APBB2: variants seen among roughly 807,000 people sequenced by gnomAD.
APBB2 encodes the protein Fe65-like 1.
Under a neutral mutation model 82.5 loss-of-function variants are expected in APBB2, and 38 were observed. The observed-to-expected ratio is 0.46, with a 90% CI of 0.36 to 0.60. The LOEUF is 0.60. APBB2 is among the 20% of genes least tolerant of loss of function. The probability of loss-of-function intolerance (pLI) is 0.00; values close to 1 mark genes in which losing one functional copy is unlikely to be tolerated. For synonymous variants in APBB2, 341 were observed against 368.2 expected, an observed-to-expected ratio of 0.93 and a Z score of 0.85; for missense variants, 772 against 972.3, an observed-to-expected ratio of 0.79 and a Z score of 2.74.
intron 1 of APBB2, among the ~76,000 whole-genome samples, chr4:41,162,139 T>C (rs542082197): frequency 6.6e-6 from 1 of 151,132 alleles, no homozygotes; most frequent in South Asian, 2.1e-4. Flanking sequence ...AACACACCTA[T>C]AAAAATTAAC....
chr4:40,903,802 T>C (rs1261083367), intron 10 of APBB2, among the ~76,000 whole-genome samples: 2 of 152,198 alleles, frequency 1.3e-5, no homozygotes, highest in Non-Finnish European at 2.9e-5. Context: ...TCCCGGCTGC[T>C]GCCTATGCTG....
chr4:41,100,593 G>A (rs1745027802), intron 3 of APBB2, 46 bp downstream of exon 3: 1 of 152,132 alleles, frequency 6.6e-6, no homozygotes, highest in Admixed American at 6.5e-5. Context: ...AACTTTCTGA[G>A]AGAGGTATAA....
intron 15 of APBB2, chr4:40,825,632 G>T (rs1426802937): frequency 1.1e-5 from 5 of 441,372 alleles, no homozygotes; most frequent in Non-Finnish European, 2.1e-5. Context: ...CTGGACTACT[G>T]GGTAAACAAG....
intron 2 of APBB2, among the ~76,000 whole-genome samples, chr4:41,118,719 C>G (rs993855294): frequency 4.6e-5 from 7 of 151,836 alleles, no homozygotes; most frequent in African/African-American, 1.7e-4. Flanking sequence ...AAAAACGTAT[C>G]AATATAGCTT....
chr4:41,007,516 C>G (rs1490399871), intron 6 of APBB2, among the ~76,000 whole-genome samples: 2 of 152,034 alleles, frequency 1.3e-5, no homozygotes, highest in East Asian at 3.9e-4. Context: ...TGGCACTGGC[C>G]CTCCCAACAT....
intron 1 of APBB2, among the ~76,000 whole-genome samples, chr4:41,151,474 C>T (rs1762259551): frequency 6.6e-6 from 1 of 152,188 alleles, no homozygotes; most frequent in African/African-American, 2.4e-5. Context: ...TTTATTTCTT[C>T]ATCATTCCTT....
intron 3 of APBB2, among the ~76,000 whole-genome samples, chr4:41,097,429 C>A (rs540600216): frequency 6.6e-5 from 10 of 152,298 alleles, no homozygotes; most frequent in Admixed American, 1.3e-4. Context: ...TATTTACACT[C>A]CTTTCTAACT....
At chr4:40,981,538 A>G (rs1798478778) in intron 6 of APBB2, among the ~76,000 whole-genome samples, 1 of 152,254 alleles carries the variant, frequency 6.6e-6, no homozygotes, top group African/African-American at 2.4e-5. Context: ...CATTAAAGAT[A>G]AAATGACTTC....
intron 1 of APBB2, among the ~76,000 whole-genome samples, chr4:41,147,111 G>C (rs1382870498): frequency 6.6e-6 from 1 of 152,198 alleles, no homozygotes. Context: ...AATGTCTGCA[G>C]CAGGCAAACG....
At chr4:40,846,604 T>C (rs917239742) in intron 12 of APBB2, among the ~76,000 whole-genome samples, 1 of 152,206 alleles carries the variant, frequency 6.6e-6, no homozygotes, top group Non-Finnish European at 1.5e-5. Flanking sequence ...TCTGACCAAG[T>C]GTGCCTTCCT....
chr4:41,041,289 T>C (rs1721413963), intron 4 of APBB2, among the ~76,000 whole-genome samples: 1 of 152,202 alleles, frequency 6.6e-6, no homozygotes, highest in Admixed American at 6.5e-5. Flanking sequence ...ATTGCCTGCT[T>C]AGTACAATAC....
At chr4:40,959,971 T>A (rs192245624) in intron 6 of APBB2, among the ~76,000 whole-genome samples, 70 of 152,324 alleles carry the variant, frequency 4.6e-4, no homozygotes, top group African/African-American at 1.7e-3. Context: ...ATGCTTATCA[T>A]TTGGCTGCAG....
intron 1 of APBB2, chr4:41,207,977 T>C (rs1778377662): frequency 1.3e-5 from 2 of 152,366 alleles, no homozygotes; most frequent in Admixed American, 6.5e-5. Flanking sequence ...ATTCACTACA[T>C]CATTATCATC....
chr4:40,902,815 C>A (rs1775690812), intron 10 of APBB2, among the ~76,000 whole-genome samples: 1 of 152,104 alleles, frequency 6.6e-6, no homozygotes, highest in Admixed American at 6.5e-5. Context: ...CAGGCATGGG[C>A]CACCCCACCT....
chr4:41,205,765 C>T (rs1452857912), intron 1 of APBB2, among the ~76,000 whole-genome samples: 2 of 152,154 alleles, frequency 1.3e-5, no homozygotes, highest in African/African-American at 4.8e-5. Flanking sequence ...TTGTTCTCTG[C>T]CCTTATACAT....
chr4:41,027,376 T>C (rs1174209799), intron 5 of APBB2, among the ~76,000 whole-genome samples: 16 of 43,024 alleles, frequency 3.7e-4, no homozygotes, highest in African/African-American at 1.8e-3. Context: ...TATATATATA[T>C]ATATATATAT....
intron 6 of APBB2, among the ~76,000 whole-genome samples, chr4:40,961,682 A>AGTT (rs1299618853): frequency 0.015 from 1,820 of 124,042 alleles, 24 homozygotes; most frequent in Middle Eastern, 0.023. Context: ...AAAAAAAAAA[A>AGTT]AAAAAAAAAA....
In APBB2 at chr4:41,013,933, A is replaced by T. The variant is rs998720306; in HGVS notation, c.485T>A (p.Leu162Gln). The stretch of plus-strand genomic sequence containing the variant: ...GGTTTCCAGATCTGCATAGTAATTT[A>T]GGAAGCTCTTAGTTCTCCTGGGCTG... ...PSQPRRTKSF[L>Q]NYYADLETSA... Residue 162 changes from leucine (L) to glutamine (Q), a missense_variant, in exon 6 of 18, where the codon CTA (leucine) becomes CAA (glutamine). By Grantham distance (113) the Leu-to-Gln change is moderately radical (BLOSUM62 -2). Transcript: ENST00000508593. 6.2e-7 allele frequency: 1 copy of T among 1,614,142 alleles called. No homozygotes were observed. The highest frequency in any genetic ancestry group is 8.5e-7 in the Non-Finnish European group (1 of 1,180,028).
chr4:41,016,326 A>G (rs1034665995), intron 5 of APBB2, among the ~76,000 whole-genome samples: 1 of 152,230 alleles, frequency 6.6e-6, no homozygotes, highest in African/African-American at 2.4e-5. Flanking sequence ...GGTGATTTTT[A>G]ATATATAAAT....
Sources: gnomAD v4.1 joint callset for allele counts (sites outside exome capture counted in the v4.1 genomes callset) on GRCh38, gnomAD v4.1.1 for gene constraint, MANE v1.5 for transcripts, NCBI Gene and HGNC (gene_info 2026-07-23, HGNC 2026-07-21) for gene names.